LRP1B: variants seen among roughly 807,000 people sequenced by gnomAD.
LRP1B encodes LDL receptor related protein 1B.
A neutral mutation model predicts 556.6 loss-of-function variants in LRP1B; 217 were observed. The observed-to-expected ratio is 0.39, with a 90% CI of 0.35 to 0.44. The LOEUF (loss-of-function observed/expected upper bound fraction) is 0.44, where lower values mean the gene tolerates loss of function less well. Among genes scored for constraint, LRP1B ranks in the 20% least tolerant of loss-of-function variants. The pLI is 1.00. For missense variants in LRP1B, 5,053 were observed against 5,620.8 expected (o/e 0.90, Z 3.23); for synonymous variants, 2,047 against 1,865.8 (o/e 1.10, Z -2.50).
intron 2 of LRP1B, among the ~76,000 whole-genome samples, chr2:141,645,689 T>C (rs543015483): frequency 2.6e-5 from 4 of 152,032 alleles, no homozygotes; most frequent in African/African-American, 9.6e-5. Flanking sequence ...GAGTATACTA[T>C]GTATGGGTTT....
intron 31 of LRP1B, among the ~76,000 whole-genome samples, chr2:140,837,267 A>C (rs1212704215): frequency 6.6e-6 from 1 of 152,222 alleles, no homozygotes; most frequent in African/African-American, 2.4e-5. Flanking sequence ...TAACTTGCTC[A>C]AGGGCACTGA....
At chr2:141,119,778 TTAAG>T (rs1238333773) in intron 7 of LRP1B, among the ~76,000 whole-genome samples, 1 of 151,432 alleles carries the variant, frequency 6.6e-6, no homozygotes, top group Non-Finnish European at 1.5e-5. Flanking sequence ...AGAAAATCCA[TTAAG>T]TATCTGTTAT....
intron 23 of LRP1B, among the ~76,000 whole-genome samples, chr2:140,901,813 T>C (rs183016833): frequency 2.8e-4 from 42 of 152,302 alleles, no homozygotes; most frequent in African/African-American, 9.9e-4. Flanking sequence ...AAACTTTATT[T>C]GATAGCATAT....
At chr2:140,507,253 A>T (rs1424964275) in intron 52 of LRP1B, among the ~76,000 whole-genome samples, 4 of 152,184 alleles carry the variant, frequency 2.6e-5, no homozygotes, top group Admixed American at 6.5e-5. Flanking sequence ...TCAGCTAATA[A>T]TATTCTAGGC....
intron 2 of LRP1B, among the ~76,000 whole-genome samples, chr2:141,543,467 G>A (rs1043168366): frequency 5.5e-5 from 8 of 146,264 alleles, no homozygotes; most frequent in Non-Finnish European, 1.2e-4. Context: ...GTTGCAGTGA[G>A]CTGAGGTTGT....
rs114932315 is a variant in LRP1B, at chr2:140,641,001, C to T, written c.6800-39362G>A. ...TTACTTCTTTTGTTAATACAATATACAGTCATGCATTGTCATTCACCAAGG... is the reference window on the plus strand; with the variant it reads ...TTACTTCTTTTGTTAATACAATATATAGTCATGCATTGTCATTCACCAAGG... On this transcript the variant is annotated intron_variant, in intron 41 of 90. Transcript: ENST00000389484. 2.5e-3 allele frequency among the ~76,000 whole-genome samples: 376 copies of T among 152,250 alleles called. 2 individuals are homozygous for T. The highest frequency in any genetic ancestry group is 8.7e-3 in the African/African-American group (363 of 41,538).
At chr2:141,331,522 C>CTTTTCTTT (rs10694161) in intron 3 of LRP1B, among the ~76,000 whole-genome samples, 2 of 140,718 alleles carry the variant, frequency 1.4e-5, no homozygotes, top group African/African-American at 2.9e-5. Context: ...TTCTTTCTTT[C>CTTTTCTTT]TCTTTCTTTC....
At chr2:141,553,517 A>G (rs1439216497) in intron 2 of LRP1B, among the ~76,000 whole-genome samples, 1 of 151,454 alleles carries the variant, frequency 6.6e-6, no homozygotes, top group Non-Finnish European at 1.5e-5. Flanking sequence ...CTGCATAAAC[A>G]GGACAGTATA....
At chr2:141,825,165 C>G (rs1039861381) in intron 1 of LRP1B, among the ~76,000 whole-genome samples, 1 of 152,080 alleles carries the variant, frequency 6.6e-6, no homozygotes, top group Non-Finnish European at 1.5e-5. Flanking sequence ...GAAAACAGAC[C>G]AGTACAAAAG....
chr2:140,559,416 G>GT (rs1248998539), intron 43 of LRP1B, among the ~76,000 whole-genome samples: 1 of 151,994 alleles, frequency 6.6e-6, no homozygotes, highest in Non-Finnish European at 1.5e-5. Context: ...AATGACCAGA[G>GT]TAAGTACAGA....
chr2:141,753,263 C>CATATATATATATATATATATATAT (rs144027196), intron 2 of LRP1B, among the ~76,000 whole-genome samples: 4,276 of 61,276 alleles, frequency 0.07, 633 homozygotes, highest in Non-Finnish European at 0.1. Context: ...TCTCTCTCTC[C>CATATATATATATATATATATATAT]ATATATATAT....
At chr2:140,540,217 T>A (rs1364393275) in intron 45 of LRP1B, among the ~76,000 whole-genome samples, 1 of 152,098 alleles carries the variant, frequency 6.6e-6, no homozygotes, top group Non-Finnish European at 1.5e-5. Context: ...AGACAAAAAA[T>A]GTATCAAATC....
intron 1 of LRP1B, among the ~76,000 whole-genome samples, chr2:141,937,159 G>A (rs796464449): frequency 1.3e-5 from 2 of 152,128 alleles, no homozygotes; most frequent in African/African-American, 4.8e-5. Flanking sequence ...GGAGGCAGAG[G>A]CGGGCAGATC....
chr2:140,306,854 G>T (rs1458160352), intron 83 of LRP1B, among the ~76,000 whole-genome samples: 6 of 151,954 alleles, frequency 3.9e-5, no homozygotes, highest in African/African-American at 1.5e-4. Context: ...CTGGTATGTT[G>T]TGTCTTTGTT....
At chr2:140,639,136 G>C (rs1684182619) in intron 41 of LRP1B, among the ~76,000 whole-genome samples, 1 of 152,084 alleles carries the variant, frequency 6.6e-6, no homozygotes, top group Admixed American at 6.6e-5. Context: ...AGTCCATCAA[G>C]AAATCACACT....
intron 2 of LRP1B, among the ~76,000 whole-genome samples, chr2:141,553,772 T>C (rs1458266875): frequency 1.4e-5 from 2 of 139,922 alleles, no homozygotes; most frequent in Admixed American, 7.5e-5. Flanking sequence ...TATATGTTTA[T>C]ATTATATATA....
intron 18 of LRP1B, among the ~76,000 whole-genome samples, chr2:140,979,966 G>A (rs1696719635): frequency 6.6e-6 from 1 of 151,518 alleles, no homozygotes; most frequent in Non-Finnish European, 1.5e-5. Flanking sequence ...ACCCTTCTTC[G>A]CCTCACCTCA....
Position 141,623,176 on chromosome 2 carries a change from TA to T in LRP1B, c.206-142644del, listed in dbSNP as rs5834853. Among the ~76,000 whole-genome samples, 18 of 151,846 alleles carry T rather than the reference TA, an allele frequency of 1.2e-4. No individual in the cohort carries two copies. The South Asian group carries it at 1.2e-3, about 11-fold the overall frequency. ...TCTTCAAAGCTGTGATCACTTAATT[TA>T]AAAAAAAATCACTTTTAAAGAAAAC... On this transcript the variant is annotated intron_variant, in intron 2 of 90. Coordinates refer to ENST00000389484, the MANE Select transcript of LRP1B (RefSeq NM_018557.3).
intron 7 of LRP1B, among the ~76,000 whole-genome samples, chr2:141,077,859 C>T (rs916570099): frequency 1.4e-4 from 21 of 152,216 alleles, no homozygotes; most frequent in Admixed American, 1.3e-3. Flanking sequence ...TTGACTAATA[C>T]AGTATCCAAA....
Sources: gnomAD v4.1 joint callset for allele counts (sites outside exome capture counted in the v4.1 genomes callset) on GRCh38, gnomAD v4.1.1 for gene constraint, MANE v1.5 for transcripts, NCBI Gene and HGNC (gene_info 2026-07-23, HGNC 2026-07-21) for gene names.